SLIRP: variants seen among roughly 807,000 people sequenced by gnomAD.
The protein encoded by SLIRP is SRA stem-loop interacting RNA binding protein, also known as SRA stem-loop-interacting RNA-binding protein, mitochondrial.
In SLIRP, 12 loss-of-function variants were observed where a neutral mutation model predicts 13.4. The ratio of observed to expected loss-of-function variants is 0.89; its 90% CI spans 0.57 to 1.45. SLIRP has a LOEUF of 1.45. Ranked by LOEUF, SLIRP falls within the 40% of genes most tolerant of loss-of-function variation. The probability of loss-of-function intolerance (pLI) is 0.00; values close to 1 mark genes in which losing one functional copy is unlikely to be tolerated. For missense variants in SLIRP, 154 were observed against 132.2 expected (o/e 1.17, Z -0.81); for synonymous variants, 55 against 47.1 (o/e 1.17, Z -0.69).
intron 2 of SLIRP, among the ~76,000 whole-genome samples, chr14:77,712,439 A>C (rs1195937977): frequency 1.0e-5 from 1 of 100,004 alleles, no homozygotes; most frequent in African/African-American, 4.0e-5. Context: ...ACGACCGGCT[A>C]ATTTTTTTTT....
chr14:77,717,528 G>A lies in SLIRP; in HGVS notation c.297G>A (p.Pro99=), dbSNP rs756693515. The part of the protein sequence containing the change: ...VQVHTRRPKL[P]QTSDDEKKDF ...TTCACACTAGAAGGCCAAAACTTCC[G>A]CAAACATCTGATGATGAAAAGAAAG... The change falls in exon 4 of 4, where the codon CCG becomes CCA. Residue 99 remains proline, a synonymous_variant. Coordinates refer to ENST00000557342, the MANE Select transcript of SLIRP (RefSeq NM_031210.6). The A allele has an allele frequency of 3.3e-5, 53 of 1,613,870 alleles. No homozygotes were observed. The highest frequency in any genetic ancestry group is 1.1e-4 in the African/African-American group (8 of 74,890).
intron 1 of SLIRP, chr14:77,710,453 G>C: frequency 1.6e-6 from 1 of 637,592 alleles, no homozygotes; most frequent in Non-Finnish European, 2.5e-6. Flanking sequence ...TTACTAAATT[G>C]TGAAAGACCA....
At chr14:77,716,032 G>A in intron 3 of SLIRP, 153 bp downstream of exon 3, 2 of 676,152 alleles carry the variant, frequency 3.0e-6, no homozygotes, top group Admixed American at 5.8e-5. Context: ...ATGGTGGGGT[G>A]GAGGCTGGGC....
At position 77,710,914 on chromosome 14, in the gene SLIRP, G is replaced by C. The variant is rs1430688938; in HGVS notation, c.156+18G>C. ...TACCTTTTGTAAGTATTAAGGAAAA[G>C]TAGGTGGGAGGTGGGGATGGCTAAT... On this transcript the variant is annotated intron_variant, in intron 2 of 3. Transcript: ENST00000557342. 3.1e-6 allele frequency: 5 copies of C among 1,613,344 alleles called. No homozygotes were observed. The South Asian group carries it at 5.5e-5, about 18-fold the overall frequency.
Position 77,715,871 on chromosome 14 carries a change from G to A in SLIRP, c.256G>A (p.Gly86Arg). ...ALQQENHIID[G>R]VKVQVHTRRP... The stretch of plus-strand genomic sequence containing the variant: ...ACAACAGGAAAATCATATTATAGAT[G>A]GAGTAAAGGTAAATTTATTTCTATG... The change falls in exon 3 of 4, where the codon GGA (glycine) becomes AGA (arginine). Residue 86 changes from glycine to arginine, a missense_variant. Physicochemically the swap from Gly to Arg is moderately radical, Grantham distance 125. Transcript: ENST00000557342. 6.2e-7 allele frequency: 1 copy of A among 1,611,504 alleles called. No individual in the cohort carries two copies. Among genetic ancestry groups the A allele is most frequent in the Non-Finnish European group, 8.5e-7 (1 of 1,177,828 alleles).
chr14:77,713,342 C>T (rs1185380333), intron 2 of SLIRP, among the ~76,000 whole-genome samples: 4 of 152,148 alleles, frequency 2.6e-5, no homozygotes, highest in African/African-American at 7.2e-5. Context: ...AGTTCACACA[C>T]ACTTCACTGA....
chr14:77,716,866 A>C (rs571039383), intron 3 of SLIRP, among the ~76,000 whole-genome samples: 1 of 151,884 alleles, frequency 6.6e-6, no homozygotes, highest in South Asian at 2.1e-4. Flanking sequence ...GGTTCAAGCG[A>C]TTCTCCTGCC....
intron 3 of SLIRP, among the ~76,000 whole-genome samples, chr14:77,717,057 G>C (rs958289918): frequency 3.9e-5 from 6 of 152,168 alleles, no homozygotes; most frequent in African/African-American, 1.4e-4. Context: ...GAGCCACAGC[G>C]CCTGGCCAGC....
chr14:77,709,520 A>G (rs1024515839), intron 1 of SLIRP, among the ~76,000 whole-genome samples: 13 of 152,226 alleles, frequency 8.5e-5, no homozygotes, highest in African/African-American at 3.1e-4. Flanking sequence ...ATAAAGGGCT[A>G]GTTTAAAACC....
At chr14:77,712,440 A>ATTT (rs55773743) in intron 2 of SLIRP, among the ~76,000 whole-genome samples, 4 of 87,156 alleles carry the variant, frequency 4.6e-5, no homozygotes, top group Non-Finnish European at 6.6e-5. Context: ...CGACCGGCTA[A>ATTT]TTTTTTTTTT....
chr14:77,713,246 T>C (rs2080454271), intron 2 of SLIRP, among the ~76,000 whole-genome samples: 1 of 152,360 alleles, frequency 6.6e-6, no homozygotes, highest in African/African-American at 2.4e-5. Context: ...CTTTGCTTTC[T>C]TGTGAGGGTT....
chr14:77,714,752 C>A (rs1207136386), intron 2 of SLIRP, among the ~76,000 whole-genome samples: 2 of 152,110 alleles, frequency 1.3e-5, no homozygotes, highest in Non-Finnish European at 2.9e-5. Flanking sequence ...TAAAGTTATC[C>A]TTGAAGTAGA....
Position 77,716,003 on chromosome 14 carries a change from G to A in SLIRP, c.264+124G>A, listed in dbSNP as rs2080474716. The A allele has an allele frequency of 6.2e-6, 5 of 805,834 alleles. No individual in the cohort carries two copies. The East Asian group carries it at 1.1e-4, about 18-fold the overall frequency. The allele number at this position is 805,834 out of a possible 1,614,324, so 49.9% of individuals were successfully genotyped here. ...CTTGGAGAGATTTGTAACTGAAGCT[G>A]CCTTAATGCTTGTTAAGAATGGTGG... On this transcript the variant is annotated intron_variant, in intron 3 of 3. Coordinates refer to ENST00000557342, the MANE Select transcript of SLIRP (RefSeq NM_031210.6).
At chr14:77,714,742 TAA>T (rs1271260383) in intron 2 of SLIRP, among the ~76,000 whole-genome samples, 1 of 152,266 alleles carries the variant, frequency 6.6e-6, no homozygotes, top group Non-Finnish European at 1.5e-5. Context: ...TTAATCCTTA[TAA>T]AGTTATCCTT....
At chr14:77,708,100 T>C, upstream of SLIRP, 1 of 1,613,700 alleles carries the variant, frequency 6.2e-7, no homozygotes, top group Non-Finnish European at 8.5e-7. Context: ...GAGAAGGTGC[T>C]TTAGTCTGAA....
intron 2 of SLIRP, among the ~76,000 whole-genome samples, chr14:77,715,414 T>C (rs1244518641): frequency 6.6e-6 from 1 of 151,914 alleles, no homozygotes; most frequent in African/African-American, 2.4e-5. Flanking sequence ...GAGGCCCAGA[T>C]GGGAAGATTG....
rs778569885 is a variant in SLIRP, at chr14:77,715,823, G to A, written c.208G>A (p.Glu70Lys). The change falls in exon 3 of 4, where the codon GAA (glutamate) becomes AAA (lysine). Residue 70 changes from glutamate to lysine, a missense_variant. Glu to Lys is a moderately conservative substitution (Grantham distance 56). Coordinates refer to ENST00000557342, the MANE Select transcript of SLIRP (RefSeq NM_031210.6). ...RGLGWVQFSS[E>K]EGLRNALQQE... The stretch of plus-strand genomic sequence containing the variant: ...TTTGGGTTGGGTTCAGTTTTCTTCA[G>A]AAGAAGGACTTCGGAATGCACTACA... 4 of 1,614,004 alleles carry A rather than the reference G, an allele frequency of 2.5e-6. No homozygotes were observed. In the Admixed American group the frequency reaches 6.7e-5, roughly 27 times the overall value.
intron 2 of SLIRP, among the ~76,000 whole-genome samples, chr14:77,715,105 GCAA>G (rs1222905023): frequency 1.3e-5 from 2 of 152,118 alleles, no homozygotes; most frequent in African/African-American, 4.8e-5. Context: ...AGAAATGAGT[GCAA>G]CAAGGCTTTG....
chr14:77,716,918 C>T (rs990251520), intron 3 of SLIRP, among the ~76,000 whole-genome samples: 3 of 152,034 alleles, frequency 2.0e-5, no homozygotes, highest in Admixed American at 6.5e-5. Context: ...TGCGCCACCA[C>T]GCACTGCTAA....
Sources: allele counts gnomAD v4.1 joint callset (sites outside exome capture counted in the v4.1 genomes callset), GRCh38; gene constraint gnomAD v4.1.1; transcripts MANE v1.5; gene names NCBI Gene and HGNC (gene_info 2026-07-23, HGNC 2026-07-21).